BRIP1: variants seen among roughly 807,000 people sequenced by gnomAD.
BRIP1 encodes BRCA1 interacting DNA helicase 1, also known as Fanconi anemia group J protein.
A neutral mutation model predicts 119.7 loss-of-function variants in BRIP1; 88 were observed. That is an observed-to-expected ratio of 0.74 (90% CI 0.62 to 0.88). The LOEUF is 0.88. Among genes scored for constraint, BRIP1 ranks in the 40% least tolerant of loss-of-function variants. The pLI is 0.00. For synonymous variants in BRIP1, 443 were observed against 496.5 expected (o/e 0.89, Z 1.43); for missense variants, 1,259 against 1,455.4 (o/e 0.87, Z 2.20).
chr17:61,765,454 G>T (rs1291943393), intron 14 of BRIP1, among the ~76,000 whole-genome samples: 25 of 10,258 alleles, frequency 2.4e-3, no homozygotes, highest in Non-Finnish European at 3.4e-3. Context: ...TTTTTTTTTT[G>T]AGACAGAGTT....
Position 61,687,366 on chromosome 17 carries a change from AG to A in BRIP1, c.2576-1202del, listed in dbSNP as rs1257243629. Among the ~76,000 whole-genome samples, 3 of 152,232 alleles carry A rather than the reference AG, an allele frequency of 2.0e-5. No individual in the cohort carries two copies. Among genetic ancestry groups the A allele is most frequent in the Non-Finnish European group, 4.4e-5 (3 of 68,046 alleles). ...CATTGTCTGCTTTTGAAAACTTGAA[AG>A]AATCTGAGCTCCACCTGCTGACTAG... On this transcript the variant is annotated intron_variant, in intron 18 of 19. Transcript: ENST00000259008. The surrounding 1 kb of genome is among the most constrained non-coding windows in gnomAD (Gnocchi z 5.1).
At chr17:61,777,957 G>C (rs1299896293) in intron 13 of BRIP1, among the ~76,000 whole-genome samples, 2 of 152,108 alleles carry the variant, frequency 1.3e-5, no homozygotes, top group African/African-American at 4.8e-5. Flanking sequence ...CCCTGATCCT[G>C]ATGCTACCTA....
chr17:61,772,854 G>A (rs1045707663), intron 14 of BRIP1, among the ~76,000 whole-genome samples: 4 of 137,758 alleles, frequency 2.9e-5, no homozygotes, highest in Admixed American at 1.5e-4. Flanking sequence ...CCTAAATTTT[G>A]TTATGCATGT....
At chr17:61,813,109 A>T (rs2145462449) in intron 6 of BRIP1, among the ~76,000 whole-genome samples, 1 of 152,282 alleles carries the variant, frequency 6.6e-6, no homozygotes, top group African/African-American at 2.4e-5. Flanking sequence ...ACTGTAAATC[A>T]GGAGAGATTC....
In BRIP1 at chr17:61,795,184, A is replaced by T. The variant is rs1183603460; in HGVS notation, c.1341-1455T>A. On this transcript the variant is annotated intron_variant, in intron 9 of 19. Transcript: ENST00000259008. The surrounding 1 kb of genome is among the most constrained non-coding windows in gnomAD (Gnocchi z 5.6). ...TACAGGCATGCAATATGTAATAATC[A>T]CATCATGGAAGATGGGGTATCCATC... Among the ~76,000 whole-genome samples, 1 of 152,092 alleles carries T rather than the reference A, an allele frequency of 6.6e-6. No individual in the cohort carries two copies. The highest frequency in any genetic ancestry group is 2.4e-5 in the African/African-American group (1 of 41,426).
chr17:61,859,703 G>A (rs1481374378), intron 3 of BRIP1, 93 bp downstream of exon 3: 19 of 822,080 alleles, frequency 2.3e-5, no homozygotes, highest in East Asian at 2.0e-4. Context: ...TTAAGTTAGC[G>A]ACAGCATGGC....
chr17:61,846,903 T>C lies in BRIP1; in HGVS notation c.627+198A>G, dbSNP rs890456544. 6.6e-6 allele frequency among the ~76,000 whole-genome samples: 1 copy of C among 152,196 alleles called. No homozygotes were observed. Among genetic ancestry groups the C allele is most frequent in the Non-Finnish European group, 1.5e-5 (1 of 68,032 alleles). ...TCTCTAGTCCAATTCTCTTATTTTATAAATAAGGAAACGAGGCATAGAGAG... is the reference window on the plus strand; with the variant it reads ...TCTCTAGTCCAATTCTCTTATTTTACAAATAAGGAAACGAGGCATAGAGAG... On this transcript the variant is annotated intron_variant, in intron 6 of 19. Transcript: ENST00000259008. This position sits in a 1 kb window ranked among gnomAD's most constrained non-coding sequence, Gnocchi z 4.3.
In BRIP1 at chr17:61,796,771, C is replaced by G. The variant is rs933881408; in HGVS notation, c.1340+2329G>C. Among the ~76,000 whole-genome samples, 6 of 151,872 alleles carry G rather than the reference C, an allele frequency of 4.0e-5. No homozygotes were observed. Among genetic ancestry groups the G allele is most frequent in the African/African-American group, 1.5e-4 (6 of 41,356 alleles). Reference sequence around the variant, plus strand: ...GGAGAAAGATGAGTGAAAGTAGAGACCTGTTAGGAGGTTGTTATAATATCC... The same window carrying G: ...GGAGAAAGATGAGTGAAAGTAGAGAGCTGTTAGGAGGTTGTTATAATATCC... On this transcript the variant is annotated intron_variant, in intron 9 of 19. Coordinates refer to ENST00000259008, the MANE Select transcript of BRIP1 (RefSeq NM_032043.3). This position sits in a 1 kb window ranked among gnomAD's most constrained non-coding sequence, Gnocchi z 4.8.
intron 4 of BRIP1, among the ~76,000 whole-genome samples, chr17:61,854,402 G>T (rs1004635184): frequency 2.6e-5 from 4 of 151,962 alleles, no homozygotes; most frequent in Admixed American, 2.6e-4. Flanking sequence ...TCATGAAACA[G>T]TTTAGAAATT....
intron 16 of BRIP1, among the ~76,000 whole-genome samples, chr17:61,716,487 T>C (rs2061865698): frequency 6.6e-6 from 1 of 152,104 alleles, no homozygotes; most frequent in African/African-American, 2.4e-5. Flanking sequence ...TGTTTTGCCC[T>C]TTATAGAATT....
chr17:61,815,114 GAA>G lies in BRIP1; in HGVS notation c.628-6359_628-6358del, dbSNP rs11300875. On this transcript the variant is annotated intron_variant, in intron 6 of 19. Coordinates refer to ENST00000259008, the MANE Select transcript of BRIP1 (RefSeq NM_032043.3). This position sits in a 1 kb window ranked among gnomAD's most constrained non-coding sequence, Gnocchi z 4.1. ...TACCTGAAAAATGCTAGAAGTGCTG[GAA>G]AAAAAAAAAAAAACCCACAGTAAAT... 8.1e-3 allele frequency among the ~76,000 whole-genome samples: 1,144 copies of G among 141,774 alleles called. 10 individuals are homozygous for G. Among genetic ancestry groups the G allele is most frequent in the African/African-American group, 0.025 (968 of 38,868 alleles). The allele number at this position is 141,774 out of a possible 152,430, so 93.0% of individuals were successfully genotyped here. A position where few individuals can be genotyped will look rare whatever the true frequency, so the allele number is the denominator to read the frequency against.
At chr17:61,847,435 A>T (rs946281736) in intron 5 of BRIP1, among the ~76,000 whole-genome samples, 1 of 152,260 alleles carries the variant, frequency 6.6e-6, no homozygotes. Flanking sequence ...CATGAATCTT[A>T]GCCAAACTAT....
Position 61,832,237 on chromosome 17 carries a change from A to G in BRIP1, c.627+14864T>C, listed in dbSNP as rs1310937122. ...GATTGATATATGTCAGAAAGACACA[A>G]GCAACTTAACTGGTTTCCCACTTGA... On this transcript the variant is annotated intron_variant, in intron 6 of 19. Transcript: ENST00000259008. The surrounding 1 kb of genome is among the most constrained non-coding windows in gnomAD (Gnocchi z 5.5). Among the ~76,000 whole-genome samples, 1 of 152,234 alleles carries G rather than the reference A, an allele frequency of 6.6e-6. No homozygotes were observed. Among genetic ancestry groups the G allele is most frequent in the Non-Finnish European group, 1.5e-5 (1 of 68,030 alleles).
chr17:61,724,724 G>T lies in BRIP1; in HGVS notation c.2380-8661C>A, dbSNP rs2076743062. 6.6e-6 allele frequency among the ~76,000 whole-genome samples: 1 copy of T among 152,104 alleles called. No individual in the cohort carries two copies. The highest frequency in any genetic ancestry group is 2.4e-5 in the African/African-American group (1 of 41,440). Reference sequence around the variant, plus strand: ...CTTGTATGTAAGCTTGAAGACAAAAGTTCAAGCCTCCAAATGAGACTAAGG... The same window carrying T: ...CTTGTATGTAAGCTTGAAGACAAAATTTCAAGCCTCCAAATGAGACTAAGG... On this transcript the variant is annotated intron_variant, in intron 16 of 19. Coordinates refer to ENST00000259008, the MANE Select transcript of BRIP1 (RefSeq NM_032043.3). The surrounding 1 kb of genome is among the most constrained non-coding windows in gnomAD (Gnocchi z 5.1).
rs1363555122 is a variant in BRIP1 at position 61,693,217 on chromosome 17, G to A, written c.2575+213C>T. 2.6e-5 allele frequency among the ~76,000 whole-genome samples: 4 copies of A among 152,126 alleles called. No homozygotes were observed. The highest frequency in any genetic ancestry group is 5.9e-5 in the Non-Finnish European group (4 of 68,008). On this transcript the variant is annotated intron_variant, in intron 18 of 19. Coordinates refer to ENST00000259008, the MANE Select transcript of BRIP1 (RefSeq NM_032043.3). The surrounding 1 kb of genome is among the most constrained non-coding windows in gnomAD (Gnocchi z 4.2). ...TGGTTGTCAGTGGACAGGGGGGAGA[G>A]GGACATGGGGCATTGCTGTTCAGTT... is the stretch of plus-strand genomic sequence containing the variant.
intron 14 of BRIP1, among the ~76,000 whole-genome samples, chr17:61,766,536 T>C (rs1214587985): frequency 6.6e-6 from 1 of 152,212 alleles, no homozygotes; most frequent in African/African-American, 2.4e-5. Flanking sequence ...ATGTAGCAAT[T>C]TAGTTTCTCC....
rs975258618 is a variant in BRIP1, at chr17:61,754,776, T to G, written c.2098-10185A>C. 3.9e-5 allele frequency among the ~76,000 whole-genome samples: 6 copies of G among 152,196 alleles called. No individual in the cohort carries two copies. The highest frequency in any genetic ancestry group is 1.4e-4 in the African/African-American group (6 of 41,440). On this transcript the variant is annotated intron_variant, in intron 14 of 19. Coordinates refer to ENST00000259008, the MANE Select transcript of BRIP1 (RefSeq NM_032043.3). This position sits in a 1 kb window ranked among gnomAD's most constrained non-coding sequence, Gnocchi z 4.1. ...CCACCTTCTGTGTCCTCACATGGCC[T>G]TTCCTCTCTATTCAGAGAGGAACAG...
In BRIP1 at chr17:61,751,870, G is replaced by T. The variant is rs2077135983; in HGVS notation, c.2098-7279C>A. On this transcript the variant is annotated intron_variant, in intron 14 of 19. Coordinates refer to ENST00000259008, the MANE Select transcript of BRIP1 (RefSeq NM_032043.3). The surrounding 1 kb of genome is among the most constrained non-coding windows in gnomAD (Gnocchi z 6.7). ...TGAAATCTCCGCCTCCTGAGTTCAA[G>T]CAATTCTCCTGTCCCAGCCTCCTGA... is the stretch of plus-strand genomic sequence containing the variant. Among the ~76,000 whole-genome samples the T allele has an allele frequency of 6.6e-6, 1 of 152,022 alleles. No individual in the cohort carries two copies. The highest frequency in any genetic ancestry group is 2.4e-5 in the African/African-American group (1 of 41,402).
At chr17:61,721,986 C>T (rs1226187489) in intron 16 of BRIP1, among the ~76,000 whole-genome samples, 1 of 151,732 alleles carries the variant, frequency 6.6e-6, no homozygotes, top group Non-Finnish European at 1.5e-5. Flanking sequence ...ACCTCAACCT[C>T]CCAAAGTGCT....
Sources: gnomAD v4.1 joint callset for allele counts (sites outside exome capture counted in the v4.1 genomes callset) on GRCh38, gnomAD v4.1.1 for gene constraint, Gnocchi (gnomAD v3.1) non-coding constraint, MANE v1.5 for transcripts, NCBI Gene and HGNC (gene_info 2026-07-23, HGNC 2026-07-21) for gene names.